Variants in CADPS2 observed in about 807,000 individuals in gnomAD.
The protein encoded by CADPS2 is calcium-dependent secretion activator 2.
A neutral mutation model predicts 172.5 loss-of-function variants in CADPS2; 93 were observed. The observed-to-expected ratio is 0.54, with a 90% CI of 0.46 to 0.64. The LOEUF (loss-of-function observed/expected upper bound fraction) is 0.64, where lower values mean the gene tolerates loss of function less well. Ranked by LOEUF, CADPS2 falls within the 30% of genes least tolerant of loss-of-function variation. The pLI is 0.00. For missense variants in CADPS2, 1,420 were observed against 1,565.9 expected, an observed-to-expected ratio of 0.91 and a Z score of 1.57; for synonymous variants, 546 against 555.2, an observed-to-expected ratio of 0.98 and a Z score of 0.23.
At chr7:122,634,113 A>T (rs867925387) in intron 3 of CADPS2, among the ~76,000 whole-genome samples, 2 of 152,246 alleles carry the variant, frequency 1.3e-5, no homozygotes, top group Middle Eastern at 6.8e-3. Context: ...TTGTGACTAT[A>T]TTCATTAGGG....
intron 17 of CADPS2, among the ~76,000 whole-genome samples, chr7:122,429,221 C>A (rs1010290040): frequency 2.6e-5 from 4 of 150,988 alleles, no homozygotes; most frequent in African/African-American, 9.8e-5. Flanking sequence ...ACTCACAAAA[C>A]CAATATTTTC....
rs1470818707 is a variant in CADPS2, at chr7:122,571,480, GGAAA to G, written c.1335+9695_1335+9698del. ...GATCAGCCCCTGTAAGTGGTGATAA[GGAAA>G]GAAATACTTTCCTCTACCTCTACAG... is the stretch of plus-strand genomic sequence containing the variant. On this transcript the variant is annotated intron_variant, in intron 7 of 29. Transcript: ENST00000449022. Among the ~76,000 whole-genome samples the G allele has an allele frequency of 2.6e-5, 4 of 152,054 alleles. No individual in the cohort carries two copies. In the East Asian group the frequency reaches 7.7e-4, roughly 29 times the overall value.
chr7:122,825,457 G>A (rs1214527857), intron 1 of CADPS2, among the ~76,000 whole-genome samples: 5 of 152,034 alleles, frequency 3.3e-5, no homozygotes, highest in Non-Finnish European at 5.9e-5. Flanking sequence ...GAGTGGGAGG[G>A]AGAGATAAAA....
intron 15 of CADPS2, among the ~76,000 whole-genome samples, chr7:122,443,609 G>T (rs1586091024): frequency 1.5e-5 from 2 of 137,860 alleles, no homozygotes. Context: ...TTTTACCAAA[G>T]TGATATATAC....
chr7:122,616,595 T>C (rs2074952949), intron 5 of CADPS2, among the ~76,000 whole-genome samples: 1 of 152,178 alleles, frequency 6.6e-6, no homozygotes, highest in African/African-American at 2.4e-5. Context: ...AGGGCTTTTG[T>C]CATTTTCTCA....
intron 1 of CADPS2, among the ~76,000 whole-genome samples, chr7:122,864,315 T>C (rs1817732205): frequency 6.6e-6 from 1 of 151,538 alleles, no homozygotes; most frequent in Admixed American, 6.6e-5. Context: ...ACACCAAAAA[T>C]ACAAAAAAAA....
intron 6 of CADPS2, among the ~76,000 whole-genome samples, chr7:122,581,494 CAAAA>C (rs1257152269): frequency 6.6e-6 from 1 of 151,968 alleles, no homozygotes; most frequent in African/African-American, 2.4e-5. Context: ...CTCAGCTATT[CAAAA>C]AATTAGCATG....
At chr7:122,501,900 G>GAAAAAAAAAAAAAAAAA (rs377560103) in intron 9 of CADPS2, among the ~76,000 whole-genome samples, 1 of 136,662 alleles carries the variant, frequency 7.3e-6, no homozygotes, top group African/African-American at 2.7e-5. Flanking sequence ...AAAAAAAAAG[G>GAAAAAAAAAAAAAAAAA]AAAAAAAAAG....
At chr7:122,881,983 G>A (rs1000130125) in intron 1 of CADPS2, among the ~76,000 whole-genome samples, 10 of 152,070 alleles carry the variant, frequency 6.6e-5, no homozygotes, top group Admixed American at 3.3e-4. Context: ...CATGTACACA[G>A]CAGACACCAA....
chr7:122,742,251 C>T (rs1176178098), intron 1 of CADPS2, among the ~76,000 whole-genome samples: 6 of 151,752 alleles, frequency 4.0e-5, no homozygotes, highest in African/African-American at 9.7e-5. Context: ...AAAAATTAGC[C>T]GGGTGTGGTG....
intron 1 of CADPS2, among the ~76,000 whole-genome samples, chr7:122,866,337 A>C (rs914943680): frequency 6.6e-6 from 1 of 151,978 alleles, no homozygotes; most frequent in African/African-American, 2.4e-5. Context: ...TTCTTCTTCT[A>C]CTCTTGCCCC....
intron 1 of CADPS2, among the ~76,000 whole-genome samples, chr7:122,744,057 G>T (rs1252692260): frequency 6.6e-6 from 1 of 152,188 alleles, no homozygotes; most frequent in East Asian, 1.9e-4. Context: ...CACTTGATAG[G>T]TATAGACATG....
chr7:122,793,678 A>G (rs754634243), intron 1 of CADPS2, among the ~76,000 whole-genome samples: 5 of 152,116 alleles, frequency 3.3e-5, no homozygotes, highest in Admixed American at 3.3e-4. Flanking sequence ...TCATGATGTT[A>G]GCTGGTTATT....
intron 1 of CADPS2, among the ~76,000 whole-genome samples, chr7:122,828,878 G>C (rs1805701187): frequency 6.6e-6 from 1 of 152,134 alleles, no homozygotes; most frequent in Admixed American, 6.5e-5. Context: ...AGGTCAGGGT[G>C]GACTTCTGTT....
chr7:122,735,387 T>C (rs1242749408), intron 2 of CADPS2, among the ~76,000 whole-genome samples: 5 of 152,136 alleles, frequency 3.3e-5, no homozygotes, highest in Non-Finnish European at 7.4e-5. Context: ...TTGTGCACTT[T>C]TTTTATTCAT....
At position 122,842,565 on chromosome 7, in the gene CADPS2, A is replaced by C. The variant is rs1247282941; in HGVS notation, c.339+43434T>G. The stretch of plus-strand genomic sequence containing the variant: ...CAATCCAAGTGACCAACAATATGAT[A>C]ATACAGAAATGATCATTAAGCTACT... On this transcript the variant is annotated intron_variant, in intron 1 of 29. Coordinates refer to ENST00000449022, the MANE Select transcript of CADPS2 (RefSeq NM_017954.11). 2.0e-5 allele frequency among the ~76,000 whole-genome samples: 3 copies of C among 152,192 alleles called. No homozygotes were observed. The East Asian group carries it at 5.8e-4, about 29-fold the overall frequency.
chr7:122,446,973 T>C (rs573702222), intron 15 of CADPS2, among the ~76,000 whole-genome samples: 1 of 151,982 alleles, frequency 6.6e-6, no homozygotes. Context: ...TAAATTGTTT[T>C]GGGTGGGAGG....
chr7:122,634,834 G>T (rs1488589730), intron 3 of CADPS2, among the ~76,000 whole-genome samples: 1 of 152,138 alleles, frequency 6.6e-6, no homozygotes, highest in East Asian at 1.9e-4. Flanking sequence ...GCATCCCAAA[G>T]ATTTTGGTAA....
chr7:122,584,055 G>T, intron 6 of CADPS2, among the ~76,000 whole-genome samples: 1 of 151,064 alleles, frequency 6.6e-6, no homozygotes, highest in East Asian at 2.0e-4. Context: ...ACTTTATTTA[G>T]CCTTTTATAT....
Sources: allele counts gnomAD v4.1 joint callset (sites outside exome capture counted in the v4.1 genomes callset), GRCh38; gene constraint gnomAD v4.1.1; transcripts MANE v1.5; gene names NCBI Gene and HGNC (gene_info 2026-07-23, HGNC 2026-07-21).